Variants in DACH2 observed in about 807,000 individuals in gnomAD.
DACH2 encodes dachshund homolog 2.
In DACH2, 17 loss-of-function variants were observed where a neutral mutation model predicts 35.8. The observed-to-expected ratio is 0.48, with a 90% CI of 0.33 to 0.71. DACH2 has a LOEUF of 0.71. Ranked by LOEUF, DACH2 falls within the 30% of genes least tolerant of loss-of-function variation. DACH2 has a pLI of 0.02. For synonymous variants in DACH2, 195 were observed against 177.3 expected (o/e 1.10, Z -0.79); for missense variants, 469 against 472.7 (o/e 0.99, Z 0.07).
At chrX:86,750,721 A>C (rs2041764158) in intron 7 of DACH2, among the ~76,000 whole-genome samples, 1 of 112,148 alleles carries the variant, frequency 8.9e-6, no homozygotes, top group Non-Finnish European at 1.9e-5. Context: ...TTTTTCATTT[A>C]GCCAAATGTC....
chrX:86,398,387 C>T (rs2036346091), intron 2 of DACH2, among the ~76,000 whole-genome samples: 1 of 112,268 alleles, frequency 8.9e-6, no homozygotes, highest in Middle Eastern at 4.6e-3. Context: ...GTCTCTATTT[C>T]CTTCAGTTCT....
At chrX:86,535,968 C>T (rs986394180) in intron 3 of DACH2, among the ~76,000 whole-genome samples, 1 of 110,681 alleles carries the variant, frequency 9.0e-6, no homozygotes, top group Admixed American at 9.7e-5. Context: ...GCAAAGGAGA[C>T]AGGATCTCAC....
At chrX:86,550,248 G>A (rs764329386) in intron 3 of DACH2, among the ~76,000 whole-genome samples, 89 of 111,479 alleles carry the variant, frequency 8.0e-4, no homozygotes, top group Admixed American at 1.7e-3. Flanking sequence ...AAAGAATAGA[G>A]AGGATAATTT....
chrX:86,555,432 G>A (rs992682479), intron 3 of DACH2, among the ~76,000 whole-genome samples: 10 of 111,320 alleles, frequency 9.0e-5, no homozygotes, highest in African/African-American at 3.3e-4. Flanking sequence ...TGTGCAGGCA[G>A]CCACCATTTG....
chrX:86,715,818 G>T (rs946434942), intron 6 of DACH2, among the ~76,000 whole-genome samples: 28 of 110,957 alleles, frequency 2.5e-4, no homozygotes, highest in Non-Finnish European at 1.5e-4. Flanking sequence ...AGGAGGCAGG[G>T]ATCTGGGAAG....
intron 4 of DACH2, among the ~76,000 whole-genome samples, chrX:86,662,592 C>CAA (rs986356873): frequency 2.3e-5 from 2 of 87,051 alleles, no homozygotes; most frequent in Admixed American, 1.3e-4. Context: ...GACTCCGTCT[C>CAA]AAAAAAAAAA....
intron 1 of DACH2, among the ~76,000 whole-genome samples, chrX:86,284,352 G>T (rs2034100917): frequency 9.0e-6 from 1 of 111,565 alleles, no homozygotes; most frequent in African/African-American, 3.3e-5. Context: ...TGATCATATG[G>T]TTGTTGTTCT....
intron 3 of DACH2, among the ~76,000 whole-genome samples, chrX:86,554,569 G>A (rs548502531): frequency 1.8e-5 from 2 of 111,695 alleles, no homozygotes; most frequent in Admixed American, 9.6e-5. Context: ...ACAAAAGGAA[G>A]TATTTATGCT....
intron 2 of DACH2, among the ~76,000 whole-genome samples, 192 bp from the exon 3 acceptor site, chrX:86,514,087 C>T (rs895921538): frequency 9.0e-6 from 1 of 111,641 alleles, no homozygotes; most frequent in African/African-American, 3.3e-5. Flanking sequence ...TAATGTTTGC[C>T]ATAACAATGG....
chrX:86,359,259 A>C (rs978037513), intron 1 of DACH2, among the ~76,000 whole-genome samples: 3 of 111,584 alleles, frequency 2.7e-5, no homozygotes, highest in African/African-American at 9.8e-5. Context: ...AAGTCAAATG[A>C]AAAATTTAGA....
At chrX:86,656,032 C>A (rs1424823335) in intron 4 of DACH2, among the ~76,000 whole-genome samples, 1 of 97,378 alleles carries the variant, frequency 1.0e-5, no homozygotes, top group African/African-American at 3.8e-5. Flanking sequence ...ATAAAGCTCC[C>A]CCCCCCCACT....
intron 3 of DACH2, among the ~76,000 whole-genome samples, chrX:86,529,677 T>C (rs993516538): frequency 9.3e-6 from 1 of 107,971 alleles, no homozygotes; most frequent in Non-Finnish European, 1.9e-5. Context: ...TTTCACCGTG[T>C]TAGCCAGGAT....
At chrX:86,283,654 C>T (rs1056498777) in intron 1 of DACH2, among the ~76,000 whole-genome samples, 2 of 106,179 alleles carry the variant, frequency 1.9e-5, no homozygotes, top group Non-Finnish European at 3.9e-5. Flanking sequence ...CACGTTCTCA[C>T]TCATAAATGG....
intron 1 of DACH2, among the ~76,000 whole-genome samples, chrX:86,154,381 A>G (rs191875487): frequency 3.3e-4 from 37 of 111,733 alleles, no homozygotes; most frequent in Non-Finnish European, 6.2e-4. Flanking sequence ...ACAATTAGGT[A>G]TTAATGATAT....
intron 3 of DACH2, among the ~76,000 whole-genome samples, chrX:86,635,676 A>G (rs1401322648): frequency 8.9e-6 from 1 of 111,955 alleles, no homozygotes; most frequent in East Asian, 2.8e-4. Context: ...AACAACTTCA[A>G]TGAAGTCTCA....
At chrX:86,594,864 T>C (rs773443785) in intron 3 of DACH2, among the ~76,000 whole-genome samples, 9 of 112,014 alleles carry the variant, frequency 8.0e-5, no homozygotes, top group Admixed American at 2.9e-4. Context: ...GAATTACTGA[T>C]AGATGGCTGC....
At chrX:86,374,434 T>C (rs1468994934) in intron 1 of DACH2, among the ~76,000 whole-genome samples, 1 of 111,094 alleles carries the variant, frequency 9.0e-6, no homozygotes, top group Admixed American at 9.6e-5. Context: ...ACAGTAAGGT[T>C]AATCAATGTC....
intron 2 of DACH2, among the ~76,000 whole-genome samples, chrX:86,479,716 G>A (rs1171993424): frequency 8.9e-6 from 1 of 111,756 alleles, no homozygotes. Context: ...CTGTCTTCAA[G>A]CTCACTATTT....
chrX:86,409,589 C>G (rs989721037), intron 2 of DACH2, among the ~76,000 whole-genome samples: 1 of 110,966 alleles, frequency 9.0e-6, no homozygotes, highest in South Asian at 3.8e-4. Context: ...TACCTGCTCC[C>G]CCTTTGCCAT....
Sources: gnomAD v4.1 joint callset for allele counts (sites outside exome capture counted in the v4.1 genomes callset) on GRCh38, gnomAD v4.1.1 for gene constraint, MANE v1.5 for transcripts, NCBI Gene and HGNC (gene_info 2026-07-23, HGNC 2026-07-21) for gene names.